Variants in PLCB1 observed in about 807,000 individuals in gnomAD.
PLCB1 encodes 1-phosphatidylinositol 4,5-bisphosphate phosphodiesterase beta-1.
PLCB1 carries 46 observed loss-of-function variants against 161.8 expected under a neutral mutation model. That is an observed-to-expected ratio of 0.28 (90% CI 0.22 to 0.36). PLCB1 has a LOEUF of 0.36. Among genes scored for constraint, PLCB1 ranks in the 10% least tolerant of loss-of-function variants. The pLI is 1.00. For missense variants in PLCB1, 1,016 were observed against 1,472.5 expected (o/e 0.69, Z 5.07); for synonymous variants, 517 against 503.7 (o/e 1.03, Z -0.35).
At chr20:8,704,785 C>T (rs904970788) in intron 11 of PLCB1, among the ~76,000 whole-genome samples, 1 of 152,082 alleles carries the variant, frequency 6.6e-6, no homozygotes, top group East Asian at 1.9e-4. Context: ...GTTATGGAGG[C>T]TGAGAAATCC....
At chr20:8,322,472 T>A (rs868520114) in intron 2 of PLCB1, among the ~76,000 whole-genome samples, 40 of 152,018 alleles carry the variant, frequency 2.6e-4, no homozygotes, top group East Asian at 7.7e-4. Flanking sequence ...TGTAAAATTT[T>A]TAAAAAAAAT....
chr20:8,514,800 G>T (rs1226738579), intron 3 of PLCB1, among the ~76,000 whole-genome samples: 1 of 151,974 alleles, frequency 6.6e-6, no homozygotes, highest in African/African-American at 2.4e-5. Context: ...ATTATTTTTG[G>T]TTCATGTAAA....
At chr20:8,564,301 G>A (rs1986249587) in intron 3 of PLCB1, among the ~76,000 whole-genome samples, 1 of 152,000 alleles carries the variant, frequency 6.6e-6, no homozygotes, top group African/African-American at 2.4e-5. Flanking sequence ...AACTGAAACT[G>A]GATCCCTTCC....
At chr20:8,581,584 G>A (rs1487603639) in intron 3 of PLCB1, among the ~76,000 whole-genome samples, 3 of 152,122 alleles carry the variant, frequency 2.0e-5, no homozygotes, top group South Asian at 2.1e-4. Flanking sequence ...AAATCAGGAA[G>A]GTAAAGTATT....
chr20:8,565,268 A>G (rs907970126), intron 3 of PLCB1, among the ~76,000 whole-genome samples: 13 of 152,256 alleles, frequency 8.5e-5, no homozygotes, highest in South Asian at 8.3e-4. Context: ...GTTCTCACTC[A>G]TAAGTGGGAG....
At chr20:8,783,440 A>G (rs1387249496) in intron 27 of PLCB1, among the ~76,000 whole-genome samples, 1 of 151,982 alleles carries the variant, frequency 6.6e-6, no homozygotes, top group Admixed American at 6.5e-5. Context: ...ATGAAAAATC[A>G]CTCTTCTGGG....
intron 3 of PLCB1, among the ~76,000 whole-genome samples, chr20:8,465,466 TCCAATTGTATAAGGGATCTCTAGTGAGA>T (rs1981776093): frequency 1.3e-5 from 2 of 152,166 alleles, no homozygotes; most frequent in Non-Finnish European, 2.9e-5. Context: ...ATGCTGCTGT[TCCAATTGTATAAGGGATCTCTAGTGAGA>T]CTCCCCACAT....
chr20:8,256,253 G>A (rs1027276878), intron 2 of PLCB1, among the ~76,000 whole-genome samples: 2 of 152,072 alleles, frequency 1.3e-5, no homozygotes, highest in Non-Finnish European at 2.9e-5. Context: ...CATTTACTTA[G>A]TGCCAATTCT....
At chr20:8,747,305 G>A (rs1250488977) in intron 23 of PLCB1, among the ~76,000 whole-genome samples, 1 of 152,160 alleles carries the variant, frequency 6.6e-6, no homozygotes, top group Non-Finnish European at 1.5e-5. Context: ...CCTCAACTTG[G>A]AAGTTACGAA....
At position 8,601,287 on chromosome 20, in the gene PLCB1, G is replaced by A. The variant is rs572969899; in HGVS notation, c.247-27007G>A. 3.3e-5 allele frequency among the ~76,000 whole-genome samples: 5 copies of A among 152,290 alleles called. No individual in the cohort carries two copies. The South Asian group carries it at 1.0e-3, about 32-fold the overall frequency. On this transcript the variant is annotated intron_variant, in intron 3 of 31. Transcript: ENST00000338037. ...TGTTACATAGGTAAACTTGTGTCAT[G>A]GGGGTTTGTTAATACAGATGATTTC... is the stretch of plus-strand genomic sequence containing the variant.
At chr20:8,753,795 G>C (rs1174027042) in intron 23 of PLCB1, among the ~76,000 whole-genome samples, 1 of 152,144 alleles carries the variant, frequency 6.6e-6, no homozygotes, top group Admixed American at 6.5e-5. Flanking sequence ...TCAAAACCTG[G>C]GTGGAAATAG....
At chr20:8,293,929 G>A (rs917701928) in intron 2 of PLCB1, among the ~76,000 whole-genome samples, 4 of 152,118 alleles carry the variant, frequency 2.6e-5, no homozygotes, top group African/African-American at 9.6e-5. Flanking sequence ...AGAAAAGATA[G>A]GTTCGTGTTG....
intron 3 of PLCB1, among the ~76,000 whole-genome samples, chr20:8,415,216 GAAAC>G (rs1422185455): frequency 3.9e-5 from 6 of 152,164 alleles, no homozygotes; most frequent in East Asian, 1.9e-4. Context: ...TCCCATTCAT[GAAAC>G]AAACAGAGTC....
At position 8,739,327 on chromosome 20, in the gene PLCB1, C is replaced by T; in HGVS notation, c.2275C>T (p.His759Tyr). The change falls in exon 21 of 32, where the codon CAC (histidine) becomes TAC (tyrosine). Residue 759 changes from histidine (H) to tyrosine (Y), a missense_variant. His to Tyr is a moderately conservative substitution (Grantham distance 83). This residue lies in a region of PLCB1 where 75 missense variants were observed against 117.0 expected (regional missense o/e 0.64). Transcript: ENST00000338037. ...VYEEGGKFIGHRILPVQAIRP... is the reference protein window; with the variant it reads ...VYEEGGKFIGYRILPVQAIRP... ...TGAAGAAGGAGGTAAATTCATTGGC[C>T]ACCGTATCTTGCCAGTGCAAGCCAT... 1 of 1,613,784 alleles carries T rather than the reference C, an allele frequency of 6.2e-7. No homozygotes were observed. The highest frequency in any genetic ancestry group is 8.5e-7 in the Non-Finnish European group (1 of 1,179,674).
At chr20:8,386,944 C>A (rs1028358035) in intron 3 of PLCB1, among the ~76,000 whole-genome samples, 2 of 152,226 alleles carry the variant, frequency 1.3e-5, no homozygotes, top group African/African-American at 4.8e-5. Context: ...AGCTTTCTAG[C>A]CTCTCTCAGT....
intron 1 of PLCB1, among the ~76,000 whole-genome samples, chr20:8,138,574 A>C (rs2051371233): frequency 6.6e-6 from 1 of 152,168 alleles, no homozygotes; most frequent in Non-Finnish European, 1.5e-5. Flanking sequence ...TTTCCATCTA[A>C]TCTTTTCCCT....
chr20:8,689,568 A>T (rs916832155), intron 10 of PLCB1, among the ~76,000 whole-genome samples: 5 of 152,152 alleles, frequency 3.3e-5, no homozygotes, highest in African/African-American at 7.2e-5. Context: ...CTTGATACCT[A>T]ACAGATTATA....
At chr20:8,411,948 A>G (rs1035694862) in intron 3 of PLCB1, among the ~76,000 whole-genome samples, 4 of 152,084 alleles carry the variant, frequency 2.6e-5, no homozygotes, top group Admixed American at 2.6e-4. Flanking sequence ...GCTTGAGCCC[A>G]GGAGGCAGAG....
At chr20:8,525,045 T>A (rs1011868655) in intron 3 of PLCB1, among the ~76,000 whole-genome samples, 6 of 152,146 alleles carry the variant, frequency 3.9e-5, no homozygotes, top group Non-Finnish European at 7.3e-5. Context: ...ATTTTATATA[T>A]GTAAAATAAT....
Sources: allele counts gnomAD v4.1 joint callset (sites outside exome capture counted in the v4.1 genomes callset), GRCh38; gene constraint gnomAD v4.1.1; regional missense constraint gnomAD v4.1.1; transcripts MANE v1.5; gene names NCBI Gene and HGNC (gene_info 2026-07-23, HGNC 2026-07-21).